The following CNTN5 variants were observed in gnomAD, a reference collection of about 807,000 sequenced individuals.
CNTN5 encodes contactin-5.
A neutral mutation model predicts 129.1 loss-of-function variants in CNTN5; 77 were observed. That is an observed-to-expected ratio of 0.60 (90% CI 0.50 to 0.72). The LOEUF (loss-of-function observed/expected upper bound fraction) is 0.72, where lower values mean the gene tolerates loss of function less well. CNTN5 is among the 30% of genes least tolerant of loss of function. CNTN5 has a pLI of 0.00. For synonymous variants in CNTN5, 509 were observed against 465.6 expected (o/e 1.09, Z -1.20); for missense variants, 1,478 against 1,328.8 (o/e 1.11, Z -1.75).
intron 8 of CNTN5, among the ~76,000 whole-genome samples, chr11:99,983,123 A>G (rs1428489493): frequency 7.8e-6 from 1 of 128,682 alleles, no homozygotes; most frequent in Non-Finnish European, 1.7e-5. Context: ...CAACATTAAA[A>G]TGCAATGAGA....
intron 3 of CNTN5, among the ~76,000 whole-genome samples, chr11:99,642,565 G>A (rs1951810240): frequency 6.6e-6 from 1 of 152,166 alleles, no homozygotes; most frequent in Non-Finnish European, 1.5e-5. Flanking sequence ...AACAATTCAG[G>A]TAATTAGCAT....
intron 2 of CNTN5, among the ~76,000 whole-genome samples, chr11:99,350,939 C>T (rs1340595818): frequency 6.6e-6 from 1 of 151,764 alleles, no homozygotes; most frequent in Non-Finnish European, 1.5e-5. Context: ...TAAGTTAGTT[C>T]CTAAAACCAA....
chr11:99,796,455 G>T (rs1003545534), intron 3 of CNTN5, among the ~76,000 whole-genome samples: 6 of 152,026 alleles, frequency 3.9e-5, no homozygotes, highest in Non-Finnish European at 8.8e-5. Flanking sequence ...GGATATGGTG[G>T]GGGGTAAGTG....
intron 2 of CNTN5, among the ~76,000 whole-genome samples, chr11:99,489,920 A>G (rs760743000): frequency 8.5e-5 from 13 of 152,098 alleles, no homozygotes; most frequent in Non-Finnish European, 7.4e-5. Flanking sequence ...GAAGATAAAT[A>G]CTTTTGCATA....
chr11:100,002,207 C>T, intron 9 of CNTN5, 71 bp downstream of exon 9: 1 of 1,035,952 alleles, frequency 9.7e-7, no homozygotes. Context: ...TTTTGGATCA[C>T]TTATTTTGCT....
At chr11:100,154,531 T>C (rs1316155425) in intron 13 of CNTN5, among the ~76,000 whole-genome samples, 1 of 152,144 alleles carries the variant, frequency 6.6e-6, no homozygotes, top group Non-Finnish European at 1.5e-5. Context: ...GCTTTGGGTA[T>C]ATAAGCAGTA....
At chr11:99,708,447 T>C (rs1954842029) in intron 3 of CNTN5, among the ~76,000 whole-genome samples, 3 of 151,762 alleles carry the variant, frequency 2.0e-5, no homozygotes. Context: ...AACATGAAAC[T>C]GGAAGATTCA....
intron 1 of CNTN5, among the ~76,000 whole-genome samples, chr11:99,058,217 C>A (rs759546057): frequency 5.3e-5 from 8 of 151,906 alleles, no homozygotes; most frequent in African/African-American, 1.7e-4. Flanking sequence ...GTAGCTCAAC[C>A]CTTTGGAAAG....
At chr11:99,097,991 A>G (rs138984986) in intron 1 of CNTN5, among the ~76,000 whole-genome samples, 1 of 152,170 alleles carries the variant, frequency 6.6e-6, no homozygotes, top group Non-Finnish European at 1.5e-5. Flanking sequence ...GAGCGAAAAA[A>G]AACTAAATTT....
intron 3 of CNTN5, among the ~76,000 whole-genome samples, chr11:99,763,990 C>T (rs1020672150): frequency 6.6e-5 from 10 of 151,808 alleles, no homozygotes; most frequent in African/African-American, 1.9e-4. Context: ...TTCAAATAAC[C>T]ATGATATTTA....
chr11:99,467,530 C>A (rs780214089), intron 2 of CNTN5, among the ~76,000 whole-genome samples: 1 of 152,130 alleles, frequency 6.6e-6, no homozygotes, highest in African/African-American at 2.4e-5. Flanking sequence ...CTCATCTGCT[C>A]GGTTAACTCA....
At chr11:99,302,814 A>G (rs1864704056) in intron 1 of CNTN5, among the ~76,000 whole-genome samples, 1 of 151,768 alleles carries the variant, frequency 6.6e-6, no homozygotes, top group South Asian at 2.1e-4. Flanking sequence ...TGAGAATTCT[A>G]TCAAAAATGA....
chr11:99,214,248 C>T (rs538378540), intron 1 of CNTN5, among the ~76,000 whole-genome samples: 2 of 151,870 alleles, frequency 1.3e-5, no homozygotes, highest in South Asian at 4.1e-4. Context: ...TTCAAATGCA[C>T]GGAGTCCTGA....
intron 1 of CNTN5, among the ~76,000 whole-genome samples, chr11:99,132,956 TA>T (rs1859021979): frequency 6.6e-6 from 1 of 152,126 alleles, no homozygotes; most frequent in Non-Finnish European, 1.5e-5. Context: ...AGGACAGTCC[TA>T]AGCAAAAAGA....
chr11:99,322,136 A>C (rs1865599734), intron 1 of CNTN5, among the ~76,000 whole-genome samples: 1 of 152,014 alleles, frequency 6.6e-6, no homozygotes, highest in African/African-American at 2.4e-5. Context: ...ATGACAGAAA[A>C]TTTTCTCATA....
chr11:99,483,895 C>G (rs914307110), intron 2 of CNTN5, among the ~76,000 whole-genome samples: 4 of 151,852 alleles, frequency 2.6e-5, no homozygotes, highest in Admixed American at 1.3e-4. Flanking sequence ...TCACCCTATA[C>G]AAAAATTAAC....
At chr11:99,792,540 T>G (rs11823403) in intron 3 of CNTN5, among the ~76,000 whole-genome samples, 34 of 92,188 alleles carry the variant, frequency 3.7e-4, no homozygotes, top group East Asian at 2.4e-3. Flanking sequence ...TGAAGAGGGG[T>G]GTGTGTGTGT....
chr11:99,804,591 T>C (rs1301925932), intron 3 of CNTN5, among the ~76,000 whole-genome samples: 3 of 151,474 alleles, frequency 2.0e-5, no homozygotes, highest in Admixed American at 2.0e-4. Flanking sequence ...TATAATCTTA[T>C]AAATACCTTC....
At chr11:99,621,818 C>G (rs982151125) in intron 3 of CNTN5, among the ~76,000 whole-genome samples, 1 of 152,172 alleles carries the variant, frequency 6.6e-6, no homozygotes, top group Non-Finnish European at 1.5e-5. Context: ...TATTTGCCCA[C>G]ATAAGTCTAA....
Sources: gnomAD v4.1 joint callset for allele counts (sites outside exome capture counted in the v4.1 genomes callset) on GRCh38, gnomAD v4.1.1 for gene constraint, MANE v1.5 for transcripts, NCBI Gene and HGNC (gene_info 2026-07-23, HGNC 2026-07-21) for gene names.